Variants in THSD4 observed in about 807,000 individuals in gnomAD.
THSD4 encodes thrombospondin type 1 domain containing 4.
A neutral mutation model predicts 119.0 loss-of-function variants in THSD4; 69 were observed. That is an observed-to-expected ratio of 0.58 (90% CI 0.48 to 0.71). THSD4 has a LOEUF of 0.71. THSD4 is among the 30% of genes least tolerant of loss of function. THSD4 has a pLI of 0.00. For synonymous variants in THSD4, 524 were observed against 540.4 expected (o/e 0.97, Z 0.42); for missense variants, 1,393 against 1,391.1 (o/e 1.00, Z -0.02).
Position 71,542,575 on chromosome 15 carries a change from AC to A in THSD4, c.1153-117954del, listed in dbSNP as rs200879192. Among the ~76,000 whole-genome samples the A allele has an allele frequency of 7.7e-3, 1,174 of 152,152 alleles. 13 individuals carry two copies. The highest frequency in any genetic ancestry group is 0.027 in the African/African-American group (1,116 of 41,506). ...TAACCCCTGTCTAATCATGAAAAAA[AC>A]GTTAGAAAAAAACAAATTGGGCCGG... is the stretch of plus-strand genomic sequence containing the variant. On this transcript the variant is annotated intron_variant, in intron 7 of 17. Transcript: ENST00000261862.
intron 8 of THSD4, among the ~76,000 whole-genome samples, chr15:71,688,214 C>T (rs2051959492): frequency 6.6e-6 from 1 of 152,206 alleles, no homozygotes; most frequent in African/African-American, 2.4e-5. Flanking sequence ...CTTTACAAGC[C>T]AGTCTTCTGT....
At chr15:71,362,791 C>T (rs1238920011) in intron 6 of THSD4, among the ~76,000 whole-genome samples, 1 of 152,196 alleles carries the variant, frequency 6.6e-6, no homozygotes, top group Non-Finnish European at 1.5e-5. Context: ...TCCCTCCACA[C>T]ATATGGAGAT....
At chr15:71,552,245 A>C (rs1225500391) in intron 7 of THSD4, among the ~76,000 whole-genome samples, 2 of 152,188 alleles carry the variant, frequency 1.3e-5, no homozygotes, top group African/African-American at 4.8e-5. Context: ...AAAGTTCTCA[A>C]AATTCTAGAT....
At chr15:71,593,564 C>T (rs560861530) in intron 7 of THSD4, among the ~76,000 whole-genome samples, 2 of 152,090 alleles carry the variant, frequency 1.3e-5, no homozygotes, top group Admixed American at 6.5e-5. Context: ...GCCCTCCTAC[C>T]TGTTCCTGCT....
At chr15:71,635,203 T>C (rs1010780880) in intron 7 of THSD4, among the ~76,000 whole-genome samples, 2 of 152,216 alleles carry the variant, frequency 1.3e-5, no homozygotes, top group African/African-American at 4.8e-5. Flanking sequence ...TGGGAGATAA[T>C]GTGAACATCG....
chr15:71,190,610 T>C (rs1347690758), intron 3 of THSD4, among the ~76,000 whole-genome samples: 1 of 152,182 alleles, frequency 6.6e-6, no homozygotes, highest in Non-Finnish European at 1.5e-5. Context: ...TCTCTTTATT[T>C]TTCTGACAAA....
intron 8 of THSD4, among the ~76,000 whole-genome samples, chr15:71,694,977 C>G (rs1304476170): frequency 1.3e-5 from 2 of 152,176 alleles, no homozygotes; most frequent in South Asian, 2.1e-4. Context: ...GGCCCTGGCT[C>G]TCTCTTAATT....
chr15:71,557,467 A>G (rs1322189168), intron 7 of THSD4, among the ~76,000 whole-genome samples: 4 of 152,136 alleles, frequency 2.6e-5, no homozygotes, highest in Admixed American at 6.5e-5. Flanking sequence ...CTGTTTTGCT[A>G]TAAGGCTATA....
At chr15:71,764,045 T>C (rs1009481304) in intron 15 of THSD4, among the ~76,000 whole-genome samples, 3 of 151,516 alleles carry the variant, frequency 2.0e-5, no homozygotes, top group Admixed American at 1.3e-4. Flanking sequence ...CCAGCCTGGG[T>C]GACAGAGTGA....
intron 6 of THSD4, among the ~76,000 whole-genome samples, chr15:71,290,370 T>C (rs1242291388): frequency 6.6e-6 from 1 of 152,228 alleles, no homozygotes; most frequent in Non-Finnish European, 1.5e-5. Flanking sequence ...AGAGCACTTT[T>C]AAAATCCTTG....
intron 7 of THSD4, among the ~76,000 whole-genome samples, chr15:71,557,195 GT>G (rs2049033168): frequency 6.6e-6 from 1 of 152,056 alleles, no homozygotes; most frequent in South Asian, 2.1e-4. Context: ...TCATGAACAT[GT>G]GTTGAATTTT....
intron 7 of THSD4, among the ~76,000 whole-genome samples, chr15:71,534,306 T>A (rs550949411): frequency 1.9e-4 from 29 of 152,362 alleles, no homozygotes; most frequent in African/African-American, 5.0e-4. Context: ...TGTGTCAGAC[T>A]ACCTGTTTCC....
At chr15:71,586,832 C>A (rs891365045) in intron 7 of THSD4, among the ~76,000 whole-genome samples, 3 of 152,162 alleles carry the variant, frequency 2.0e-5, no homozygotes, top group Non-Finnish European at 2.9e-5. Flanking sequence ...TTCTGTGTTT[C>A]CTTCATGAAG....
chr15:71,317,764 A>T (rs1373948547), intron 6 of THSD4, among the ~76,000 whole-genome samples: 1 of 152,180 alleles, frequency 6.6e-6, no homozygotes, highest in African/African-American at 2.4e-5. Flanking sequence ...CAAATCCTGG[A>T]TCTATCACTT....
chr15:71,116,181 G>T (rs1209885954), intron 1 of THSD4, among the ~76,000 whole-genome samples: 2 of 152,220 alleles, frequency 1.3e-5, no homozygotes, highest in African/African-American at 4.8e-5. Context: ...CTGGCCTGGG[G>T]CCTCGGATCT....
chr15:71,705,780 C>A (rs141611807), intron 8 of THSD4, among the ~76,000 whole-genome samples: 1 of 152,144 alleles, frequency 6.6e-6, no homozygotes, highest in African/African-American at 2.4e-5. Context: ...GGAGAAAAAG[C>A]GCAAGACATG....
intron 7 of THSD4, among the ~76,000 whole-genome samples, chr15:71,447,274 C>T (rs1042854884): frequency 5.3e-5 from 8 of 152,008 alleles, no homozygotes; most frequent in Non-Finnish European, 1.0e-4. Flanking sequence ...GCATGTGCCA[C>T]CTCGCCCAGC....
At chr15:71,236,058 A>G (rs2044102661) in intron 4 of THSD4, among the ~76,000 whole-genome samples, 1 of 152,178 alleles carries the variant, frequency 6.6e-6, no homozygotes, top group Non-Finnish European at 1.5e-5. Flanking sequence ...CCTCGAGGGC[A>G]GTCCCCGGGG....
intron 7 of THSD4, among the ~76,000 whole-genome samples, chr15:71,448,111 A>G (rs1339828504): frequency 6.6e-6 from 1 of 152,212 alleles, no homozygotes; most frequent in African/African-American, 2.4e-5. Context: ...GGGTCACAAG[A>G]AGATTTACTC....
Sources: allele counts gnomAD v4.1 joint callset (sites outside exome capture counted in the v4.1 genomes callset), GRCh38; gene constraint gnomAD v4.1.1; transcripts MANE v1.5; gene names NCBI Gene and HGNC (gene_info 2026-07-23, HGNC 2026-07-21).